The following CRACDL variants were observed in gnomAD, a reference collection of about 807,000 sequenced individuals.
CRACDL encodes the protein CRACD like.
A neutral mutation model predicts 70.6 loss-of-function variants in CRACDL; 26 were observed. That is an observed-to-expected ratio of 0.37 (90% CI 0.27 to 0.51). CRACDL has a LOEUF of 0.51. Among genes scored for constraint, CRACDL ranks in the 20% least tolerant of loss-of-function variants. The probability of loss-of-function intolerance (pLI) is 0.94; values close to 1 mark genes in which losing one functional copy is unlikely to be tolerated. For missense variants in CRACDL, 1,283 were observed against 1,376.9 expected (o/e 0.93, Z 1.08); for synonymous variants, 618 against 615.2 (o/e 1.00, Z -0.07).
At chr2:98,893,854 C>A (rs2104641810) in intron 1 of CRACDL, among the ~76,000 whole-genome samples, 1 of 152,314 alleles carries the variant, frequency 6.6e-6, no homozygotes, top group African/African-American at 2.4e-5. Context: ...GCATAAGAAT[C>A]AGCAAATACT....
intron 1 of CRACDL, among the ~76,000 whole-genome samples, chr2:98,909,043 T>C (rs1006322180): frequency 2.0e-5 from 3 of 152,216 alleles, no homozygotes; most frequent in African/African-American, 7.2e-5. Flanking sequence ...GAGTACAGGA[T>C]GTATAAATGC....
At chr2:98,808,164 C>T (rs544612566) in intron 7 of CRACDL, among the ~76,000 whole-genome samples, 1 of 152,320 alleles carries the variant, frequency 6.6e-6, no homozygotes, top group African/African-American at 2.4e-5. Context: ...GTGTCGTCCA[C>T]GGACCAGCAC....
chr2:98,823,110 G>T lies in CRACDL; in HGVS notation c.1163C>A (p.Ala388Glu). The T allele has an allele frequency of 6.3e-7, 1 of 1,577,266 alleles. No individual in the cohort carries two copies. The highest frequency in any genetic ancestry group is 8.6e-7 in the Non-Finnish European group (1 of 1,164,974). Residue 388 changes from alanine to glutamate, a missense_variant, in exon 7 of 10, where the codon GCG becomes GAG. By Grantham distance (107) the Ala-to-Glu change is moderately radical (BLOSUM62 -1). Around this residue, in one of 2 missense-constraint regions of CRACDL, gnomAD observed 921 missense variants for 881.9 expected, o/e 1.04. Coordinates refer to ENST00000397899, the MANE Select transcript of CRACDL (RefSeq NM_207362.3). This position sits in a 1 kb window ranked among gnomAD's most constrained non-coding sequence, Gnocchi z 4.0. Reference sequence around the variant, plus strand: ...TTCGGGAGCACAGACCACCTCCTCCGCCTTGTCCGTGGCCGGGGCACACGG... The same window carrying T: ...TTCGGGAGCACAGACCACCTCCTCCTCCTTGTCCGTGGCCGGGGCACACGG... ...AGPCAPATDK[A>E]EEVVCAPEDV... is the part of the protein sequence containing the mutation.
chr2:98,813,634 A>G (rs902780486), intron 7 of CRACDL, among the ~76,000 whole-genome samples: 17 of 152,358 alleles, frequency 1.1e-4, no homozygotes, highest in Admixed American at 1.1e-3. Context: ...AGAAAAAAAT[A>G]TGAGAAAATA....
At chr2:98,904,145 T>C (rs4851173) in intron 1 of CRACDL, among the ~76,000 whole-genome samples, 77,898 of 152,098 alleles carry the variant, frequency 0.51, 21,604 homozygotes, top group African/African-American at 0.72. Context: ...GAACACTGAG[T>C]GGTCAGACAC....
At chr2:98,868,852 G>A (rs1707242398) in intron 1 of CRACDL, among the ~76,000 whole-genome samples, 2 of 151,972 alleles carry the variant, frequency 1.3e-5, no homozygotes, top group Admixed American at 6.6e-5. Context: ...TGTCATAAAG[G>A]AAACAAAGAA....
At chr2:98,890,565 T>C (rs1388118335) in intron 1 of CRACDL, among the ~76,000 whole-genome samples, 2 of 152,250 alleles carry the variant, frequency 1.3e-5, no homozygotes, top group Non-Finnish European at 2.9e-5. Flanking sequence ...TTCTACTAAA[T>C]GTTTAAAGAA....
chr2:98,935,845 G>C (rs1455057932), intron 1 of CRACDL, 93 bp downstream of exon 1: 1 of 151,832 alleles, frequency 6.6e-6, no homozygotes, highest in Non-Finnish European at 1.5e-5. Flanking sequence ...CCCTAGCCCC[G>C]GCCCGCCCCA....
intron 5 of CRACDL, among the ~76,000 whole-genome samples, chr2:98,831,276 A>G (rs1364385451): frequency 6.6e-6 from 1 of 152,122 alleles, no homozygotes; most frequent in Admixed American, 6.5e-5. Flanking sequence ...ACTCAGCCAC[A>G]CCACAGTCCT....
At chr2:98,904,882 G>A (rs192499214) in intron 1 of CRACDL, among the ~76,000 whole-genome samples, 31 of 152,158 alleles carry the variant, frequency 2.0e-4, no homozygotes, top group African/African-American at 6.5e-4. Flanking sequence ...CTCCGGTCGC[G>A]GGGGCGGATC....
In CRACDL at chr2:98,795,077, A is replaced by ATTTTTTTTTTTTTTTT. The variant is rs1181969802; in HGVS notation, c.2750-407_2750-406insAAAAAAAAAAAAAAAA. ...TATATATATATATATATATATATATATTTTTTTTTTTTTTTGAGACAGAAG... is the reference window on the plus strand; with the variant it reads ...TATATATATATATATATATATATATATTTTTTTTTTTTTTTTTTTTTTTTTTTTTTTGAGACAGAAG... On this transcript the variant is annotated intron_variant, in intron 9 of 9. Coordinates refer to ENST00000397899, the MANE Select transcript of CRACDL (RefSeq NM_207362.3). 2.1e-3 allele frequency among the ~76,000 whole-genome samples: 123 copies of ATTTTTTTTTTTTTTTT among 58,486 alleles called. 20 individuals carry two copies. Among genetic ancestry groups the ATTTTTTTTTTTTTTTT allele is most frequent in the Middle Eastern group, 0.01 (1 of 100 alleles). 38.4% of individuals were successfully genotyped at this position (58,486 alleles called of 152,430 possible).
At chr2:98,892,998 C>T (rs769250274) in intron 1 of CRACDL, among the ~76,000 whole-genome samples, 39 of 152,312 alleles carry the variant, frequency 2.6e-4, no homozygotes, top group Non-Finnish European at 2.2e-4. Context: ...GCTCACAAAT[C>T]CCTGGCCGGC....
intron 1 of CRACDL, among the ~76,000 whole-genome samples, chr2:98,862,616 G>A (rs1706983259): frequency 6.6e-6 from 1 of 152,102 alleles, no homozygotes. Flanking sequence ...AAGAAATCTG[G>A]GAGGTGAAAA....
intron 1 of CRACDL, among the ~76,000 whole-genome samples, chr2:98,926,660 C>T (rs1708915991): frequency 6.6e-6 from 1 of 152,202 alleles, no homozygotes. Flanking sequence ...CAGCTTGGAA[C>T]TCTACAGACA....
chr2:98,881,245 G>A (rs1374716491), intron 1 of CRACDL, among the ~76,000 whole-genome samples: 1 of 152,206 alleles, frequency 6.6e-6, no homozygotes, highest in Non-Finnish European at 1.5e-5. Context: ...GGGAACGCTG[G>A]TACCCCTGCC....
At chr2:98,885,571 C>T (rs1707777934) in intron 1 of CRACDL, among the ~76,000 whole-genome samples, 1 of 151,978 alleles carries the variant, frequency 6.6e-6, no homozygotes, top group African/African-American at 2.4e-5. Flanking sequence ...AAAAAATAAG[C>T]TCAATAAAAC....
chr2:98,839,752 C>T (rs1357027267), intron 2 of CRACDL, among the ~76,000 whole-genome samples: 1 of 152,140 alleles, frequency 6.6e-6, no homozygotes, highest in African/African-American at 2.4e-5. Flanking sequence ...TTTTAAGTAA[C>T]ATTTTTCTGA....
At chr2:98,826,368 C>G (rs908914729) in intron 6 of CRACDL, among the ~76,000 whole-genome samples, 1 of 152,246 alleles carries the variant, frequency 6.6e-6, no homozygotes. Flanking sequence ...CATTCAACAA[C>G]TCTGTGACTA....
At chr2:98,878,661 A>G (rs1233239173) in intron 1 of CRACDL, among the ~76,000 whole-genome samples, 1 of 152,220 alleles carries the variant, frequency 6.6e-6, no homozygotes, top group African/African-American at 2.4e-5. Flanking sequence ...CCAACATATG[A>G]AACAGGTACA....
Sources: gnomAD v4.1 joint callset for allele counts (sites outside exome capture counted in the v4.1 genomes callset) on GRCh38, gnomAD v4.1.1 for gene constraint, gnomAD v4.1.1 regional missense constraint, Gnocchi (gnomAD v3.1) non-coding constraint, MANE v1.5 for transcripts, NCBI Gene and HGNC (gene_info 2026-07-23, HGNC 2026-07-21) for gene names.